Variants in NDUFA2 observed in about 807,000 individuals in gnomAD.
NDUFA2 encodes NADH:ubiquinone oxidoreductase subunit A2, also known as NADH dehydrogenase [ubiquinone] 1 alpha subcomplex subunit 2.
NDUFA2 carries 9 observed loss-of-function variants against 11.4 expected under a neutral mutation model. The observed-to-expected ratio is 0.79, with a 90% confidence interval of 0.48 to 1.38. NDUFA2 has a LOEUF of 1.38. NDUFA2 is among the 40% of genes most tolerant of loss of function. The pLI, the probability that NDUFA2 is intolerant of heterozygous loss-of-function variation, is 0.00. For synonymous variants in NDUFA2, 49 were observed against 54.0 expected (o/e 0.91, Z 0.41); for missense variants, 150 against 131.2 (o/e 1.14, Z -0.70).
At position 140,645,779 on chromosome 5, in the gene NDUFA2, G is replaced by C. The variant is rs374500330; in HGVS notation, c.209-101C>G. ...CTTTATCTTAGTCTTGTTAAGACAG[G>C]AAGAGTATTAAAGAGATATGATCAA... On this transcript the variant is annotated intron_variant, in intron 2 of 2. Coordinates refer to ENST00000252102, the MANE Select transcript of NDUFA2 (RefSeq NM_002488.5). 37 of 1,555,286 alleles carry C rather than the reference G, an allele frequency of 2.4e-5. No homozygotes were observed. The African/African-American group carries it at 3.1e-4, about 13-fold the overall frequency.
Position 140,647,616 on chromosome 5 carries a change from C to T in NDUFA2, c.-33G>A. ...AATATCGAAGTCGCCAATTCCAGGTCTTCAGGCCAAGTGCTCCGGTCTGAC... is the reference window on the plus strand; with the variant it reads ...AATATCGAAGTCGCCAATTCCAGGTTTTCAGGCCAAGTGCTCCGGTCTGAC... On this transcript the variant is annotated 5_prime_UTR_variant, in exon 1 of 3. Coordinates refer to ENST00000252102, the MANE Select transcript of NDUFA2 (RefSeq NM_002488.5). 6.2e-7 allele frequency: 1 copy of T among 1,602,896 alleles called. No individual in the cohort carries two copies. The highest frequency in any genetic ancestry group is 8.5e-7 in the Non-Finnish European group (1 of 1,177,770).
chr5:140,647,298 G>C lies in NDUFA2; in HGVS notation c.166C>G (p.Arg56Gly). The C allele has an allele frequency of 6.3e-7, 1 of 1,577,178 alleles. No individual in the cohort carries two copies. The highest frequency in any genetic ancestry group is 2.2e-5 in the East Asian group (1 of 44,474). The part of the protein sequence containing the change: ...KANPDLPILI[R>G]ECSDVQPKLW... Reference sequence around the variant, plus strand: ...TTGGGCTGCACATCGGAGCATTCGCGGATTAGGATGGGTAGGTCGGGATTC... The same window carrying C: ...TTGGGCTGCACATCGGAGCATTCGCCGATTAGGATGGGTAGGTCGGGATTC... Residue 56 changes from arginine to glycine, a missense_variant, in exon 2 of 3, where the codon CGC becomes GGC. Physicochemically the swap from Arg to Gly is moderately radical, Grantham distance 125. Coordinates refer to ENST00000252102, the MANE Select transcript of NDUFA2 (RefSeq NM_002488.5).
chr5:140,646,761 G>A (rs1252247098), intron 2 of NDUFA2, among the ~76,000 whole-genome samples: 1 of 152,156 alleles, frequency 6.6e-6, no homozygotes, highest in Non-Finnish European at 1.5e-5. Context: ...GTTGCAGCTA[G>A]AGTTTAACAA....
chr5:140,645,931 C>G (rs971629615), intron 2 of NDUFA2, among the ~76,000 whole-genome samples: 1 of 151,650 alleles, frequency 6.6e-6, no homozygotes, highest in Non-Finnish European at 1.5e-5. Flanking sequence ...CTTTCGGGGG[C>G]ACTGTAGGCA....
In NDUFA2 at chr5:140,645,436, G is replaced by A. The variant is rs750868915; in HGVS notation, c.*151C>T. 2.0e-6 allele frequency: 2 copies of A among 994,330 alleles called. No homozygotes were observed. The highest frequency in any genetic ancestry group is 3.1e-6 in the Non-Finnish European group (2 of 648,606). The allele number at this position is 994,330 out of a possible 1,614,324, so 61.6% of individuals were successfully genotyped here. On this transcript the variant is annotated 3_prime_UTR_variant, in exon 3 of 3. Coordinates refer to ENST00000252102, the MANE Select transcript of NDUFA2 (RefSeq NM_002488.5). Reference sequence around the variant, plus strand: ...TTGCCTCAGTGGTTGCACAGTAAGGGGTAGAGGGTAGATGAGGACAAGAAC... The same window carrying A: ...TTGCCTCAGTGGTTGCACAGTAAGGAGTAGAGGGTAGATGAGGACAAGAAC...
At chr5:140,646,906 A>G (rs1337491576) in intron 2 of NDUFA2, among the ~76,000 whole-genome samples, 4 of 152,190 alleles carry the variant, frequency 2.6e-5, no homozygotes, top group Admixed American at 6.5e-5. Flanking sequence ...TCTATGTGCA[A>G]AATTACTGAG....
chr5:140,647,340 C>T lies in NDUFA2; in HGVS notation c.124G>A (p.Val42Met), dbSNP rs746760218. The change falls in exon 2 of 3, where the codon GTG (valine) becomes ATG (methionine). Residue 42 changes from valine to methionine, a missense_variant. Val to Met is a conservative substitution (Grantham distance 21, BLOSUM62 1). Transcript: ENST00000252102. ...GVRDFIEKRY[V>M]ELKKANPDLP... ...TCGGGATTCGCCTTCTTCAGCTCCACGTAGCGTTTCTCAATGAAGTCCCTG... is the reference window on the plus strand; with the variant it reads ...TCGGGATTCGCCTTCTTCAGCTCCATGTAGCGTTTCTCAATGAAGTCCCTG... 6.2e-7 allele frequency: 1 copy of T among 1,608,134 alleles called. No homozygotes were observed. Among genetic ancestry groups the T allele is most frequent in the Non-Finnish European group, 8.5e-7 (1 of 1,175,986 alleles).
rs760458290 is a variant in NDUFA2 at position 140,647,623 on chromosome 5, C to G, written c.-40G>C. On this transcript the variant is annotated 5_prime_UTR_variant, in exon 1 of 3. Coordinates refer to ENST00000252102, the MANE Select transcript of NDUFA2 (RefSeq NM_002488.5). The stretch of plus-strand genomic sequence containing the variant: ...AAGTCGCCAATTCCAGGTCTTCAGG[C>G]CAAGTGCTCCGGTCTGACCAACCGC... 1.3e-6 allele frequency: 2 copies of G among 1,598,316 alleles called. No homozygotes were observed. The highest frequency in any genetic ancestry group is 1.7e-6 in the Non-Finnish European group (2 of 1,175,676).
chr5:140,645,595 T>TA lies in NDUFA2; in HGVS notation c.291dup (p.Lys98Ter). 1 of 1,614,200 alleles carries TA rather than the reference T, an allele frequency of 6.2e-7. No homozygotes were observed. The highest frequency in any genetic ancestry group is 1.7e-4 in the Middle Eastern group (1 of 6,058). On this transcript the variant is annotated frameshift_variant, in exon 3 of 3. Coordinates refer to ENST00000252102, the MANE Select transcript of NDUFA2 (RefSeq NM_002488.5). LOFTEE classifies it high-confidence loss of function. Reference sequence around the variant, plus strand: ...AATCCTCAGTGGAGGCTTCAGGCTTTACCACTTAGAACGTTCTCCAGGGCT... The same window carrying TA: ...AATCCTCAGTGGAGGCTTCAGGCTTTAACCACTTAGAACGTTCTCCAGGGCT...
At chr5:140,646,007 C>G (rs914455333) in intron 2 of NDUFA2, among the ~76,000 whole-genome samples, 1 of 138,580 alleles carries the variant, frequency 7.2e-6, no homozygotes, top group African/African-American at 2.7e-5. Flanking sequence ...CCCATTCTCT[C>G]TCTTTTTTTT....
chr5:140,647,087 C>T, intron 2 of NDUFA2, 169 bp downstream of exon 2: 1 of 762,206 alleles, frequency 1.3e-6, no homozygotes, highest in Non-Finnish European at 2.0e-6. Context: ...TACAACGCAT[C>T]ATATAACCCT....
chr5:140,646,443 A>C (rs999160475), intron 2 of NDUFA2, among the ~76,000 whole-genome samples: 4 of 152,048 alleles, frequency 2.6e-5, no homozygotes, highest in African/African-American at 9.7e-5. Context: ...TTCTCCAATT[A>C]TTAGTGCATG....
In NDUFA2 at chr5:140,647,612, A is replaced by T; in HGVS notation, c.-29T>A. ...TGTTAATATCGAAGTCGCCAATTCC[A>T]GGTCTTCAGGCCAAGTGCTCCGGTC... On this transcript the variant is annotated 5_prime_UTR_variant, in exon 1 of 3. Coordinates refer to ENST00000252102, the MANE Select transcript of NDUFA2 (RefSeq NM_002488.5). 1 of 1,603,542 alleles carries T rather than the reference A, an allele frequency of 6.2e-7. No homozygotes were observed.
chr5:140,647,599 A>T lies in NDUFA2; in HGVS notation c.-16T>A. The T allele has an allele frequency of 3.7e-6, 6 of 1,607,826 alleles. No individual in the cohort carries two copies. Among genetic ancestry groups the T allele is most frequent in the Non-Finnish European group, 5.1e-6 (6 of 1,179,500 alleles). ...CCGCCGCCATCCTTGTTAATATCGA[A>T]GTCGCCAATTCCAGGTCTTCAGGCC... On this transcript the variant is annotated 5_prime_UTR_variant, in exon 1 of 3. Coordinates refer to ENST00000252102, the MANE Select transcript of NDUFA2 (RefSeq NM_002488.5).
At chr5:140,646,701 G>A (rs1581475088) in intron 2 of NDUFA2, among the ~76,000 whole-genome samples, 1 of 152,158 alleles carries the variant, frequency 6.6e-6, no homozygotes, top group African/African-American at 2.4e-5. Flanking sequence ...ATTCTAGGAA[G>A]GGGAATAAAT....
chr5:140,646,920 C>T (rs1046102119), intron 2 of NDUFA2: 2 of 224,648 alleles, frequency 8.9e-6, no homozygotes, highest in South Asian at 1.7e-4. Flanking sequence ...TACTGAGATT[C>T]TCACACACTA....
chr5:140,646,300 C>T lies in NDUFA2; in HGVS notation c.209-622G>A, dbSNP rs767127706. Among the ~76,000 whole-genome samples the T allele has an allele frequency of 5.9e-5, 9 of 152,124 alleles. 1 individual carries two copies. In the South Asian group the frequency reaches 6.2e-4, roughly 11 times the overall value. ...TGCTGGGATTACAGGCGTGAACCAC[C>T]GCACCCAGCTGGGTACCCATTCTCT... is the stretch of plus-strand genomic sequence containing the variant. On this transcript the variant is annotated intron_variant, in intron 2 of 2. Coordinates refer to ENST00000252102, the MANE Select transcript of NDUFA2 (RefSeq NM_002488.5).
intron 2 of NDUFA2, chr5:140,646,945 G>T: frequency 3.5e-6 from 1 of 287,902 alleles, no homozygotes; most frequent in Non-Finnish European, 6.6e-6. Context: ...GACTGACACT[G>T]GCTACACGTT....
intron 2 of NDUFA2, 40 bp downstream of exon 2, chr5:140,647,216 C>T (rs950826135): frequency 1.3e-6 from 2 of 1,519,728 alleles, no homozygotes; most frequent in African/African-American, 1.4e-5. Flanking sequence ...AACCCTTGTT[C>T]CCCTACCGGA....
Sources: gnomAD v4.1 joint callset for allele counts (sites outside exome capture counted in the v4.1 genomes callset) on GRCh38, gnomAD v4.1.1 for gene constraint, MANE v1.5 for transcripts, NCBI Gene and HGNC (gene_info 2026-07-23, HGNC 2026-07-21) for gene names.